The following NTNG1 variants were observed in gnomAD, a reference collection of about 807,000 sequenced individuals.
NTNG1 encodes netrin-G1.
In NTNG1, 16 loss-of-function variants were observed where a neutral mutation model predicts 54.0. That is an observed-to-expected ratio of 0.30 (90% confidence interval 0.20 to 0.45). The LOEUF is 0.45. NTNG1 is among the 20% of genes least tolerant of loss of function. The pLI is 1.00. For missense variants in NTNG1, 530 were observed against 678.7 expected (o/e 0.78, Z 2.43); for synonymous variants, 255 against 263.1 (o/e 0.97, Z 0.30).
intron 2 of NTNG1, among the ~76,000 whole-genome samples, chr1:107,227,576 G>T (rs1398449683): frequency 6.6e-6 from 1 of 152,024 alleles, no homozygotes; most frequent in Non-Finnish European, 1.5e-5. Flanking sequence ...ATCCAAATGG[G>T]CTAAGATATG....
At chr1:107,240,090 G>A (rs1454649275) in intron 2 of NTNG1, among the ~76,000 whole-genome samples, 3 of 152,140 alleles carry the variant, frequency 2.0e-5, no homozygotes, top group Non-Finnish European at 4.4e-5. Flanking sequence ...TTTGATGTAT[G>A]TGAGGTATGA....
At chr1:107,454,436 A>T (rs992807275) in intron 7 of NTNG1, among the ~76,000 whole-genome samples, 2 of 152,192 alleles carry the variant, frequency 1.3e-5, no homozygotes, top group Non-Finnish European at 2.9e-5. Context: ...CACTGCTGAG[A>T]CATAGTCCCT....
At chr1:107,397,522 C>G (rs967187048) in intron 4 of NTNG1, among the ~76,000 whole-genome samples, 1 of 152,180 alleles carries the variant, frequency 6.6e-6, no homozygotes, top group Non-Finnish European at 1.5e-5. Context: ...CTCTCCAACA[C>G]TGTTTCCCAT....
intron 5 of NTNG1, chr1:107,408,603 A>G (rs1673596324): frequency 1.3e-5 from 2 of 150,528 alleles, no homozygotes; most frequent in Non-Finnish European, 3.0e-5. Context: ...ATGCCCAGTA[A>G]CTTTACAGAG....
intron 4 of NTNG1, among the ~76,000 whole-genome samples, chr1:107,400,113 G>C (rs1356398968): frequency 6.6e-6 from 1 of 152,044 alleles, no homozygotes. Flanking sequence ...TTTTTCAGCT[G>C]TCAGTAAAGA....
intron 3 of NTNG1, among the ~76,000 whole-genome samples, chr1:107,358,810 G>A (rs1358600709): frequency 6.6e-6 from 1 of 152,102 alleles, no homozygotes; most frequent in East Asian, 1.9e-4. Flanking sequence ...CAGCTTTGGT[G>A]CCCCAGAAGT....
intron 2 of NTNG1, among the ~76,000 whole-genome samples, chr1:107,218,077 T>A (rs1660093100): frequency 6.6e-6 from 1 of 152,156 alleles, no homozygotes; most frequent in Non-Finnish European, 1.5e-5. Context: ...TTGCTGTCTG[T>A]CTCAGCAACA....
intron 2 of NTNG1, among the ~76,000 whole-genome samples, chr1:107,178,090 A>G (rs1414401977): frequency 3.3e-5 from 5 of 152,178 alleles, no homozygotes; most frequent in Non-Finnish European, 7.3e-5. Context: ...TTGCAAATGC[A>G]ACTAAGTCTT....
At chr1:107,314,424 TAAA>T (rs1210600731) in intron 2 of NTNG1, among the ~76,000 whole-genome samples, 3 of 150,616 alleles carry the variant, frequency 2.0e-5, no homozygotes, top group Admixed American at 6.6e-5. Context: ...AATAAATAAA[TAAA>T]TAAATAAATA....
intron 3 of NTNG1, among the ~76,000 whole-genome samples, chr1:107,389,428 T>TA (rs556703825): frequency 8.7e-5 from 13 of 150,208 alleles, no homozygotes; most frequent in South Asian, 2.1e-4. Flanking sequence ...TATAAAAAAA[T>TA]AAAAAAATGA....
chr1:107,374,427 T>C (rs1272411731), intron 3 of NTNG1, among the ~76,000 whole-genome samples: 1 of 152,080 alleles, frequency 6.6e-6, no homozygotes, highest in East Asian at 1.9e-4. Context: ...TTTTTAAAAA[T>C]TTTTTTTATC....
At chr1:107,429,071 C>A (rs1441447408) in intron 5 of NTNG1, among the ~76,000 whole-genome samples, 1 of 152,104 alleles carries the variant, frequency 6.6e-6, no homozygotes, top group Non-Finnish European at 1.5e-5. Flanking sequence ...CCCTTCTCTC[C>A]CTGTTCACGT....
chr1:107,381,348 T>A (rs1472835199), intron 3 of NTNG1, among the ~76,000 whole-genome samples: 16 of 51,648 alleles, frequency 3.1e-4, no homozygotes, highest in African/African-American at 7.3e-4. Context: ...TCTCTTTAAC[T>A]AAAAAAAAAA....
intron 7 of NTNG1, chr1:107,455,710 C>A (rs12077398): frequency 4.9e-6 from 2 of 405,304 alleles, no homozygotes; most frequent in Non-Finnish European, 1.1e-5. Flanking sequence ...AAGAACAATA[C>A]GCGGATGAGC....
chr1:107,386,498 TTG>T (rs1370571133), intron 3 of NTNG1, among the ~76,000 whole-genome samples: 1 of 152,138 alleles, frequency 6.6e-6, no homozygotes, highest in African/African-American at 2.4e-5. Flanking sequence ...ACGTGGCCTT[TTG>T]TGTCTGACAT....
At chr1:107,439,243 G>A (rs567194449) in intron 7 of NTNG1, among the ~76,000 whole-genome samples, 6 of 151,076 alleles carry the variant, frequency 4.0e-5, no homozygotes, top group East Asian at 2.0e-4. Flanking sequence ...TTGGGTAAAC[G>A]TGATTGAGCT....
At chr1:107,348,233 A>G (rs1669376969) in intron 3 of NTNG1, among the ~76,000 whole-genome samples, 1 of 151,902 alleles carries the variant, frequency 6.6e-6, no homozygotes, top group Non-Finnish European at 1.5e-5. Context: ...TCAAGCAATT[A>G]TTCTGCCTCA....
chr1:107,307,399 T>C (rs1249069815), intron 2 of NTNG1, among the ~76,000 whole-genome samples: 1 of 152,200 alleles, frequency 6.6e-6, no homozygotes, highest in African/African-American at 2.4e-5. Context: ...ATGATGATGA[T>C]GCTAGTAATT....
chr1:107,320,735 C>G lies in NTNG1; in HGVS notation c.247-3547C>G, dbSNP rs7529243. Among the ~76,000 whole-genome samples the G allele has an allele frequency of 2.8e-3, 348 of 126,514 alleles. 1 individual carries two copies. The highest frequency in any genetic ancestry group is 8.1e-3 in the African/African-American group (303 of 37,286). 83.0% of individuals were successfully genotyped at this position (126,514 alleles called of 152,430 possible). On this transcript the variant is annotated intron_variant, in intron 2 of 7. Transcript: ENST00000370068. The stretch of plus-strand genomic sequence containing the variant: ...ATGAAATCTTTTTTTTTTCCTGCTT[C>G]CTCTTTTAATTTTCTGTCAATGTCA...
Sources: gnomAD v4.1 joint callset for allele counts (sites outside exome capture counted in the v4.1 genomes callset) on GRCh38, gnomAD v4.1.1 for gene constraint, MANE v1.5 for transcripts, NCBI Gene and HGNC (gene_info 2026-07-23, HGNC 2026-07-21) for gene names.